The following GHR variants were observed in gnomAD, a reference collection of about 807,000 sequenced individuals.
GHR encodes growth hormone receptor.
In GHR, 35 loss-of-function variants were observed where a neutral mutation model predicts 67.1. That is an observed-to-expected ratio of 0.52 (90% CI 0.40 to 0.69). GHR has a LOEUF of 0.69. Among genes scored for constraint, GHR ranks in the 30% least tolerant of loss-of-function variants. The probability of loss-of-function intolerance (pLI) is 0.00; values close to 1 mark genes in which losing one functional copy is unlikely to be tolerated. For synonymous variants in GHR, 272 were observed against 269.1 expected (o/e 1.01, Z -0.10); for missense variants, 792 against 764.6 (o/e 1.04, Z -0.42).
At chr5:42,697,614 C>T (rs144963693) in intron 5 of GHR, among the ~76,000 whole-genome samples, 33 of 152,172 alleles carry the variant, frequency 2.2e-4, no homozygotes, top group Admixed American at 4.6e-4. Context: ...AACAGCAGGC[C>T]GGCGGTGGAG....
intron 3 of GHR, among the ~76,000 whole-genome samples, chr5:42,677,180 A>T (rs1414661471): frequency 1.3e-5 from 2 of 152,198 alleles, no homozygotes; most frequent in African/African-American, 4.8e-5. Context: ...GAGAACTCAA[A>T]ACTCCCCAAA....
At chr5:42,593,784 A>G (rs970543894) in intron 2 of GHR, among the ~76,000 whole-genome samples, 1 of 152,228 alleles carries the variant, frequency 6.6e-6, no homozygotes, top group Non-Finnish European at 1.5e-5. Flanking sequence ...GAGTATGCTA[A>G]TAACTATTCT....
At chr5:42,692,914 A>T (rs564971639) in intron 4 of GHR, among the ~76,000 whole-genome samples, 1 of 152,284 alleles carries the variant, frequency 6.6e-6, no homozygotes, top group East Asian at 1.9e-4. Context: ...TTTTCTTACA[A>T]CTACTCTCTT....
At chr5:42,550,123 G>T in intron 1 of GHR, 2 of 952,106 alleles carry the variant, frequency 2.1e-6, no homozygotes, top group Non-Finnish European at 2.5e-6. Flanking sequence ...TGGGGTAAGT[G>T]TGTCTTCTTG....
intron 1 of GHR, among the ~76,000 whole-genome samples, chr5:42,494,611 C>T (rs1283139732): frequency 6.6e-6 from 1 of 152,054 alleles, no homozygotes; most frequent in Non-Finnish European, 1.5e-5. Context: ...TATGAGTCAG[C>T]CACAGGCATC....
intron 8 of GHR, chr5:42,715,003 A>G (rs761215776): frequency 1.1e-4 from 38 of 343,174 alleles, no homozygotes; most frequent in Non-Finnish European, 1.1e-4. Context: ...ATTAGTTAAC[A>G]ATATTAGGAA....
chr5:42,711,152 T>C, intron 6 of GHR, 55 bp from the exon 7 acceptor site: 1 of 1,275,638 alleles, frequency 7.8e-7, no homozygotes, highest in South Asian at 1.2e-5. Flanking sequence ...GTAGTGTTCA[T>C]TGCATTGAGT....
intron 6 of GHR, among the ~76,000 whole-genome samples, chr5:42,704,008 C>T (rs1445288664): frequency 6.6e-6 from 1 of 151,590 alleles, no homozygotes; most frequent in South Asian, 2.1e-4. Flanking sequence ...TAACTTTTTC[C>T]TTCTCAATTT....
At chr5:42,543,693 A>G (rs1000800279) in intron 1 of GHR, among the ~76,000 whole-genome samples, 2 of 152,136 alleles carry the variant, frequency 1.3e-5, no homozygotes, top group Non-Finnish European at 2.9e-5. Flanking sequence ...ACCTTTTATT[A>G]TACTTTACTC....
intron 3 of GHR, among the ~76,000 whole-genome samples, chr5:42,658,541 T>C (rs1395116557): frequency 2.6e-5 from 4 of 152,244 alleles, no homozygotes; most frequent in Non-Finnish European, 5.9e-5. Flanking sequence ...TTTGCTTATA[T>C]ACAGTAAGAA....
At chr5:42,623,351 G>C (rs1753550938) in intron 2 of GHR, among the ~76,000 whole-genome samples, 1 of 152,102 alleles carries the variant, frequency 6.6e-6, no homozygotes, top group African/African-American at 2.4e-5. Context: ...CCCAAGCATA[G>C]CAAATTAATG....
intron 1 of GHR, among the ~76,000 whole-genome samples, chr5:42,476,202 T>A (rs1473567256): frequency 8.3e-6 from 1 of 120,218 alleles, no homozygotes; most frequent in Non-Finnish European, 1.8e-5. Context: ...CGCGCCCGGC[T>A]TTTTGTTGTG....
intron 2 of GHR, among the ~76,000 whole-genome samples, chr5:42,605,400 C>T (rs1752583942): frequency 6.6e-6 from 1 of 152,066 alleles, no homozygotes; most frequent in African/African-American, 2.4e-5. Flanking sequence ...GCCACCGCGC[C>T]CGGCCTGGGG....
intron 1 of GHR, chr5:42,467,197 T>C: frequency 1.9e-6 from 3 of 1,577,970 alleles, no homozygotes; most frequent in Non-Finnish European, 2.6e-6. Flanking sequence ...ACTGAAGGCT[T>C]GCCCACATTC....
chr5:42,454,484 G>A (rs1389751256), intron 1 of GHR, among the ~76,000 whole-genome samples: 1 of 152,186 alleles, frequency 6.6e-6, no homozygotes, highest in Non-Finnish European at 1.5e-5. Context: ...ATCAAGTGGG[G>A]GCAGGATTAG....
At chr5:42,434,406 G>A (rs911197065) in intron 1 of GHR, among the ~76,000 whole-genome samples, 4 of 152,186 alleles carry the variant, frequency 2.6e-5, no homozygotes, top group Non-Finnish European at 4.4e-5. Context: ...GATGCCAGGG[G>A]CAGTCCTATA....
rs527673862 is a variant in GHR, at chr5:42,424,791, A to G, written c.-12+836A>G. 7.2e-5 allele frequency among the ~76,000 whole-genome samples: 11 copies of G among 152,230 alleles called. No homozygotes were observed. Among genetic ancestry groups the G allele is most frequent in the East Asian group, 3.9e-4 (2 of 5,164 alleles). ...CACTTGCGAGTGCGTGGGGAAGTCT[A>G]TTTGGGGCGAGTGCTTTATATATAG... is the stretch of plus-strand genomic sequence containing the variant. On this transcript the variant is annotated intron_variant, in intron 1 of 9. Transcript: ENST00000230882. The surrounding 1 kb of genome is among the most constrained non-coding windows in gnomAD (Gnocchi z 4.1).
chr5:42,548,460 T>C (rs1748841825), intron 1 of GHR: 15 of 985,154 alleles, frequency 1.5e-5, no homozygotes, highest in Non-Finnish European at 1.8e-5. Context: ...TAAAAAGTTC[T>C]TGATATAAAG....
chr5:42,651,878 A>G (rs149465584), intron 3 of GHR, among the ~76,000 whole-genome samples: 484 of 152,300 alleles, frequency 3.2e-3, no homozygotes, highest in Non-Finnish European at 5.2e-3. Flanking sequence ...TTAAGAAAAA[A>G]TACAGTATTT....
Sources: gnomAD v4.1 joint callset for allele counts (sites outside exome capture counted in the v4.1 genomes callset) on GRCh38, gnomAD v4.1.1 for gene constraint, Gnocchi (gnomAD v3.1) non-coding constraint, MANE v1.5 for transcripts, NCBI Gene and HGNC (gene_info 2026-07-23, HGNC 2026-07-21) for gene names.